CACNB2: variants seen among roughly 807,000 people sequenced by gnomAD.
CACNB2 encodes calcium voltage-gated channel auxiliary subunit beta 2.
CACNB2 carries 42 observed loss-of-function variants against 73.3 expected under a neutral mutation model. The observed-to-expected ratio is 0.57, with a 90% CI of 0.45 to 0.74. The LOEUF is 0.74. Among genes scored for constraint, CACNB2 ranks in the 30% least tolerant of loss-of-function variants. The pLI, the probability that CACNB2 is intolerant of heterozygous loss-of-function variation, is 0.00. For synonymous variants in CACNB2, 348 were observed against 310.3 expected (o/e 1.12, Z -1.28); for missense variants, 940 against 853.0 (o/e 1.10, Z -1.27).
At chr10:18,203,508 C>T (rs1470929331) in intron 2 of CACNB2, among the ~76,000 whole-genome samples, 2 of 152,044 alleles carry the variant, frequency 1.3e-5, no homozygotes, top group African/African-American at 4.8e-5. Context: ...TTAAAATGCT[C>T]TATTTTTCCA....
At chr10:18,238,027 A>T (rs951127305) in intron 2 of CACNB2, among the ~76,000 whole-genome samples, 4 of 152,098 alleles carry the variant, frequency 2.6e-5, no homozygotes, top group African/African-American at 9.7e-5. Flanking sequence ...TTTGGACCTC[A>T]TGTTGTCTTG....
At chr10:18,536,071 A>G in intron 11 of CACNB2, 30 bp from the exon 12 acceptor site, 1 of 1,323,476 alleles carries the variant, frequency 7.6e-7, no homozygotes, top group Admixed American at 1.7e-5. Flanking sequence ...TGTAGTTATT[A>G]CTCTGTTAAA....
intron 2 of CACNB2, among the ~76,000 whole-genome samples, chr10:18,332,829 C>T (rs1226479170): frequency 6.6e-6 from 1 of 152,156 alleles, no homozygotes; most frequent in African/African-American, 2.4e-5. Context: ...AGAACATAAT[C>T]AGCAGTTCAT....
chr10:18,452,851 T>C, intron 3 of CACNB2, among the ~76,000 whole-genome samples: 1 of 152,208 alleles, frequency 6.6e-6, no homozygotes, highest in East Asian at 1.9e-4. Flanking sequence ...ACCTGGTAGA[T>C]TCTTACTGGA....
intron 2 of CACNB2, among the ~76,000 whole-genome samples, chr10:18,352,853 A>G (rs367867835): frequency 2.7e-4 from 41 of 152,352 alleles, no homozygotes; most frequent in African/African-American, 7.9e-4. Context: ...GTTTGTATCA[A>G]TAAAAGCTGT....
chr10:18,536,029 G>T, intron 11 of CACNB2, 72 bp from the exon 12 acceptor site: 1 of 865,718 alleles, frequency 1.2e-6, no homozygotes, highest in Non-Finnish European at 2.0e-6. Context: ...CCAGAGAAAG[G>T]AGTCAATAAT....
chr10:18,261,302 A>G (rs533673523), intron 2 of CACNB2: 1 of 1,551,560 alleles, frequency 6.4e-7, no homozygotes, highest in African/African-American at 1.4e-5. Flanking sequence ...ATCGCCGGCG[A>G]GTACGGGTGT....
rs369006760 is a variant in CACNB2, at chr10:18,291,479, A to G, written c.214-110445A>G. Among the ~76,000 whole-genome samples the G allele has an allele frequency of 5.9e-5, 9 of 152,288 alleles. No homozygotes were observed. The East Asian group carries it at 1.7e-3, about 29-fold the overall frequency. On this transcript the variant is annotated intron_variant, in intron 2 of 13. Transcript: ENST00000324631. ...ATGTTGTGGCTATACAGAAGATAAC[A>G]TGTTGCAGATTCTGCCTCCATAGTG...
At position 18,140,632 on chromosome 10, in the gene CACNB2, C is replaced by T; in HGVS notation, c.-105C>T. The T allele has an allele frequency of 1.0e-6, 1 of 990,658 alleles. No individual in the cohort carries two copies. 61.4% of individuals were successfully genotyped at this position (990,658 alleles called of 1,614,324 possible). A position where few individuals can be genotyped will look rare whatever the true frequency, so the allele number is the denominator to read the frequency against. On this transcript the variant is annotated 5_prime_UTR_variant, in exon 1 of 14. Coordinates refer to ENST00000324631, the MANE Select transcript of CACNB2 (RefSeq NM_201596.3). Reference sequence around the variant, plus strand: ...GCGCCGAGAACGGCCGGGCCTGAGCCCTGGGCGGCCCCCAGAGCCGATCAG... The same window carrying T: ...GCGCCGAGAACGGCCGGGCCTGAGCTCTGGGCGGCCCCCAGAGCCGATCAG...
At chr10:18,329,406 C>A (rs187626264) in intron 2 of CACNB2, among the ~76,000 whole-genome samples, 47 of 149,768 alleles carry the variant, frequency 3.1e-4, no homozygotes, top group African/African-American at 1.0e-3. Context: ...TCTAAAGGAG[C>A]AGGAGATGAA....
rs934967667 is a variant in CACNB2 at position 18,541,471 on chromosome 10, A to C, written c.*1747A>C. ...TCCAGTTATAACTGGATGGTAAGAC[A>C]GTATTAAGAGTGCAAGTACCTGGCA... On this transcript the variant is annotated 3_prime_UTR_variant, in exon 14 of 14. Transcript: ENST00000324631. The C allele has an allele frequency of 1.3e-5, 2 of 152,198 alleles. No individual in the cohort carries two copies. Among genetic ancestry groups the C allele is most frequent in the East Asian group, 3.8e-4 (2 of 5,204 alleles). 9.4% of individuals were successfully genotyped at this position (152,198 alleles called of 1,614,324 possible). A position where few individuals can be genotyped will look rare whatever the true frequency, so the allele number is the denominator to read the frequency against.
intron 3 of CACNB2, among the ~76,000 whole-genome samples, chr10:18,475,153 G>T (rs1462101468): frequency 6.6e-6 from 1 of 151,586 alleles, no homozygotes; most frequent in Non-Finnish European, 1.5e-5. Flanking sequence ...GCCGTATCTA[G>T]GTACGCCACC....
chr10:18,212,840 A>G (rs1327923710), intron 2 of CACNB2, among the ~76,000 whole-genome samples: 1 of 152,254 alleles, frequency 6.6e-6, no homozygotes, highest in Non-Finnish European at 1.5e-5. Context: ...TAAAACAATT[A>G]CAAATCACCA....
intron 3 of CACNB2, among the ~76,000 whole-genome samples, chr10:18,414,639 C>T (rs2044836909): frequency 6.6e-6 from 1 of 152,000 alleles, no homozygotes; most frequent in Non-Finnish European, 1.5e-5. Flanking sequence ...TGTGCACCAC[C>T]ACAGCCTGCT....
At chr10:18,269,127 C>T (rs564134036) in intron 2 of CACNB2, among the ~76,000 whole-genome samples, 4 of 152,292 alleles carry the variant, frequency 2.6e-5, no homozygotes, top group East Asian at 3.9e-4. Context: ...CACTGTGGTA[C>T]ACCTTCGTTG....
chr10:18,456,991 G>A (rs1320168607), intron 3 of CACNB2, among the ~76,000 whole-genome samples: 1 of 152,012 alleles, frequency 6.6e-6, no homozygotes, highest in East Asian at 1.9e-4. Context: ...TCAGACCTCT[G>A]CCTTCTACCA....
intron 3 of CACNB2, among the ~76,000 whole-genome samples, chr10:18,415,341 C>T (rs2044884323): frequency 6.6e-6 from 1 of 152,052 alleles, no homozygotes; most frequent in Non-Finnish European, 1.5e-5. Flanking sequence ...TGGTACATGC[C>T]TGCAGTTCCA....
rs150431973 is a variant in CACNB2 at position 18,222,723 on chromosome 10, G to A, written c.213+71748G>A. The stretch of plus-strand genomic sequence containing the variant: ...AGGCCGAGGTGAGTGGATCGTCTGA[G>A]TTCAGGAGTTCAAGACCAGCCTGGC... On this transcript the variant is annotated intron_variant, in intron 2 of 13. Coordinates refer to ENST00000324631, the MANE Select transcript of CACNB2 (RefSeq NM_201596.3). 2.6e-5 allele frequency among the ~76,000 whole-genome samples: 4 copies of A among 152,200 alleles called. No homozygotes were observed. The East Asian group carries it at 7.7e-4, about 29-fold the overall frequency.
At chr10:18,193,165 ATTTG>A (rs1260105365) in intron 2 of CACNB2, among the ~76,000 whole-genome samples, 1 of 152,024 alleles carries the variant, frequency 6.6e-6, no homozygotes, top group African/African-American at 2.4e-5. Context: ...AACATTTGTC[ATTTG>A]TTTGTGTTGG....
Sources: gnomAD v4.1 joint callset for allele counts (sites outside exome capture counted in the v4.1 genomes callset) on GRCh38, gnomAD v4.1.1 for gene constraint, MANE v1.5 for transcripts, NCBI Gene and HGNC (gene_info 2026-07-23, HGNC 2026-07-21) for gene names.